TRPC7: variants seen among roughly 807,000 people sequenced by gnomAD.
TRPC7 encodes transient receptor potential cation channel subfamily C member 7.
In TRPC7, 42 loss-of-function variants were observed where a neutral mutation model predicts 90.1. The observed-to-expected ratio is 0.47, with a 90% CI of 0.36 to 0.60. The LOEUF is 0.60. TRPC7 is among the 20% of genes least tolerant of loss of function. The pLI is 0.00. For missense variants in TRPC7, 955 were observed against 1,112.3 expected (o/e 0.86, Z 2.01); for synonymous variants, 451 against 436.3 (o/e 1.03, Z -0.42).
chr5:136,340,295 G>A (rs907410004), intron 2 of TRPC7, among the ~76,000 whole-genome samples: 1 of 152,142 alleles, frequency 6.6e-6, no homozygotes, highest in Non-Finnish European at 1.5e-5. Flanking sequence ...CAGATTGGTG[G>A]TGGGTGGGGT....
At chr5:136,335,899 G>A (rs1444405023) in intron 2 of TRPC7, among the ~76,000 whole-genome samples, 6 of 78,014 alleles carry the variant, frequency 7.7e-5, no homozygotes, top group Admixed American at 2.3e-4. Context: ...GCGAGACTCC[G>A]TCTCAAAAAA....
chr5:136,332,365 G>T (rs150187321), intron 2 of TRPC7, among the ~76,000 whole-genome samples: 1 of 152,084 alleles, frequency 6.6e-6, no homozygotes, highest in African/African-American at 2.4e-5. Flanking sequence ...GGACTGTGAC[G>T]ACTGCAGCTT....
chr5:136,288,027 G>C (rs1757790565), intron 3 of TRPC7, among the ~76,000 whole-genome samples: 1 of 152,132 alleles, frequency 6.6e-6, no homozygotes, highest in South Asian at 2.1e-4. Context: ...GATATGATGT[G>C]CCAGACATTG....
chr5:136,316,755 A>G (rs1405598051), intron 2 of TRPC7, among the ~76,000 whole-genome samples: 1 of 152,160 alleles, frequency 6.6e-6, no homozygotes, highest in Non-Finnish European at 1.5e-5. Context: ...CCCCAAAAAT[A>G]TTTTCCCTCA....
chr5:136,254,044 A>G (rs182306122), intron 5 of TRPC7, among the ~76,000 whole-genome samples: 12 of 152,306 alleles, frequency 7.9e-5, no homozygotes, highest in South Asian at 6.2e-4. Context: ...CTTTAATTCT[A>G]TGAAGTCTGA....
chr5:136,244,345 G>A (rs1756268504), intron 7 of TRPC7, among the ~76,000 whole-genome samples: 1 of 152,076 alleles, frequency 6.6e-6, no homozygotes, highest in African/African-American at 2.4e-5. Context: ...TCATTTTTCT[G>A]TGTGTCATGG....
chr5:136,345,455 G>A (rs1759975817), intron 2 of TRPC7, among the ~76,000 whole-genome samples: 1 of 152,080 alleles, frequency 6.6e-6, no homozygotes, highest in Admixed American at 6.5e-5. Flanking sequence ...TAGCTACTTG[G>A]GAGGCTGAGG....
rs7703729 is a variant in TRPC7 at position 136,250,114 on chromosome 5, G to C, written c.1579+1535C>G. Among the ~76,000 whole-genome samples the C allele has an allele frequency of 1.2e-3, 190 of 152,284 alleles. 1 individual carries two copies. The highest frequency in any genetic ancestry group is 4.4e-3 in the African/African-American group (182 of 41,550). ...TTCCTTGATGAACCCTAACAAGACA[G>C]AGGATAATATCCAAGCTATTTTGCT... On this transcript the variant is annotated intron_variant, in intron 6 of 11. Transcript: ENST00000513104.
chr5:136,283,666 G>C (rs950997967), intron 3 of TRPC7, among the ~76,000 whole-genome samples: 3 of 152,104 alleles, frequency 2.0e-5, no homozygotes, highest in African/African-American at 7.2e-5. Context: ...AGGTGAAAAG[G>C]GTCTGAGGAC....
chr5:136,303,740 C>T (rs1448258343), intron 3 of TRPC7: 1 of 152,012 alleles, frequency 6.6e-6, no homozygotes, highest in Non-Finnish European at 1.5e-5. Flanking sequence ...GCCCAAGGCT[C>T]TCTGACTCCT....
At chr5:136,349,371 T>C (rs1161020760) in intron 2 of TRPC7, among the ~76,000 whole-genome samples, 1 of 152,206 alleles carries the variant, frequency 6.6e-6, no homozygotes, top group Non-Finnish European at 1.5e-5. Context: ...ACCCTCTGAA[T>C]AGAGGAGGTG....
chr5:136,277,751 G>C (rs1757414942), intron 3 of TRPC7, among the ~76,000 whole-genome samples: 1 of 152,184 alleles, frequency 6.6e-6, no homozygotes, highest in Admixed American at 6.5e-5. Context: ...GTGTTGTCTT[G>C]GGCTTATTTT....
chr5:136,337,527 G>A (rs1331118833), intron 2 of TRPC7, among the ~76,000 whole-genome samples: 1 of 152,096 alleles, frequency 6.6e-6, no homozygotes, highest in Non-Finnish European at 1.5e-5. Flanking sequence ...TTAGCTGGGT[G>A]TGGTGATGAG....
At chr5:136,326,264 G>A (rs964953539) in intron 2 of TRPC7, among the ~76,000 whole-genome samples, 1 of 152,168 alleles carries the variant, frequency 6.6e-6, no homozygotes, top group African/African-American at 2.4e-5. Flanking sequence ...TGTTTAAAAT[G>A]CCAAGGACCT....
intron 4 of TRPC7, among the ~76,000 whole-genome samples, chr5:136,272,112 C>T (rs1757230359): frequency 6.6e-6 from 1 of 152,178 alleles, no homozygotes; most frequent in African/African-American, 2.4e-5. Flanking sequence ...TTTATGAATA[C>T]ATTTATAAAA....
chr5:136,310,455 G>C (rs1186364570), intron 3 of TRPC7, among the ~76,000 whole-genome samples: 1 of 152,122 alleles, frequency 6.6e-6, no homozygotes, highest in Admixed American at 6.5e-5. Context: ...GGTCTTTATT[G>C]TACTTGAGAC....
intron 1 of TRPC7, among the ~76,000 whole-genome samples, chr5:136,364,269 A>G (rs1760657856): frequency 6.6e-6 from 1 of 152,200 alleles, no homozygotes; most frequent in Admixed American, 6.5e-5. Context: ...TCTAGTCTAC[A>G]TGCACCTAAG....
chr5:136,304,752 C>G (rs534434122), intron 3 of TRPC7, among the ~76,000 whole-genome samples: 1 of 152,182 alleles, frequency 6.6e-6, no homozygotes, highest in Non-Finnish European at 1.5e-5. Context: ...CGGCATAATT[C>G]TCATAAAAAC....
chr5:136,243,152 G>A (rs1756221851), intron 7 of TRPC7, among the ~76,000 whole-genome samples: 1 of 152,106 alleles, frequency 6.6e-6, no homozygotes, highest in South Asian at 2.1e-4. Flanking sequence ...TTCCCCTTGG[G>A]ACAGTGCTAC....
Sources: allele counts gnomAD v4.1 joint callset (sites outside exome capture counted in the v4.1 genomes callset), GRCh38; gene constraint gnomAD v4.1.1; transcripts MANE v1.5; gene names NCBI Gene and HGNC (gene_info 2026-07-23, HGNC 2026-07-21).